Variants in UTRN observed in about 807,000 individuals in gnomAD.
The protein encoded by UTRN is utrophin.
A neutral mutation model predicts 463.9 loss-of-function variants in UTRN; 283 were observed. The ratio of observed to expected loss-of-function variants is 0.61; its 90% CI spans 0.55 to 0.67. The LOEUF (loss-of-function observed/expected upper bound fraction) is 0.67. UTRN is among the 30% of genes least tolerant of loss of function. The pLI, the probability that UTRN is intolerant of heterozygous loss-of-function variation, is 0.00. For synonymous variants in UTRN, 1,442 were observed against 1,431.5 expected (o/e 1.01, Z -0.17); for missense variants, 3,922 against 4,084.3 (o/e 0.96, Z 1.08).
intron 65 of UTRN, 30 bp downstream of exon 65, chr6:144,803,177 A>T: frequency 7.5e-7 from 1 of 1,338,638 alleles, no homozygotes; most frequent in Non-Finnish European, 9.9e-7. Flanking sequence ...TTTGTTTTTA[A>T]TACATTGCCA....
intron 50 of UTRN, among the ~76,000 whole-genome samples, chr6:144,562,327 A>G (rs73600170): frequency 0.21 from 31,721 of 152,048 alleles, 3,511 homozygotes; most frequent in South Asian, 0.31. Flanking sequence ...TCCAGCATTC[A>G]TTAGCTATAT....
chr6:144,574,422 T>C (rs1801236650), intron 50 of UTRN, among the ~76,000 whole-genome samples: 1 of 152,340 alleles, frequency 6.6e-6, no homozygotes, highest in South Asian at 2.1e-4. Flanking sequence ...CTTATATTTA[T>C]TGTGGAATAG....
chr6:144,532,944 C>CT (rs34459759), intron 42 of UTRN, 141 bp from the exon 43 acceptor site: 112 of 483,170 alleles, frequency 2.3e-4, no homozygotes, highest in African/African-American at 1.2e-3. Context: ...TTTAAAATGC[C>CT]TTTTTTTTCT....
chr6:144,534,902 A>G (rs1032438003), intron 43 of UTRN, among the ~76,000 whole-genome samples: 22 of 152,218 alleles, frequency 1.4e-4, no homozygotes, highest in Admixed American at 6.5e-5. Context: ...CAGAAGAAGT[A>G]AAACAGCAGA....
intron 3 of UTRN, among the ~76,000 whole-genome samples, chr6:144,406,647 G>T (rs544898348): frequency 1.3e-5 from 2 of 152,160 alleles, no homozygotes; most frequent in Non-Finnish European, 2.9e-5. Context: ...GATTACAGGC[G>T]TGAGCCACCA....
At chr6:144,430,866 C>A (rs1785762270) in intron 9 of UTRN, among the ~76,000 whole-genome samples, 1 of 151,696 alleles carries the variant, frequency 6.6e-6, no homozygotes, top group South Asian at 2.1e-4. Flanking sequence ...TTTAAATTTT[C>A]TTTGGGTAAT....
chr6:144,542,485 G>T (rs1798059942), intron 45 of UTRN, among the ~76,000 whole-genome samples: 1 of 152,190 alleles, frequency 6.6e-6, no homozygotes, highest in Non-Finnish European at 1.5e-5. Context: ...AGGAGAGCCA[G>T]CCAGAGAGGT....
chr6:144,755,635 T>C (rs1791907658), intron 57 of UTRN, among the ~76,000 whole-genome samples: 1 of 152,180 alleles, frequency 6.6e-6, no homozygotes, highest in South Asian at 2.1e-4. Flanking sequence ...ATGCTTTCAA[T>C]AAATATTAAT....
At chr6:144,760,266 A>G (rs556044862) in intron 58 of UTRN, among the ~76,000 whole-genome samples, 68 of 152,252 alleles carry the variant, frequency 4.5e-4, no homozygotes, top group African/African-American at 1.6e-3. Flanking sequence ...GTAGAATAAA[A>G]GTTAGTTTTA....
chr6:144,811,828 A>G (rs140561235), intron 65 of UTRN, among the ~76,000 whole-genome samples: 25 of 152,114 alleles, frequency 1.6e-4, no homozygotes, highest in Admixed American at 1.6e-3. Flanking sequence ...ACCAGTTGGG[A>G]CTACTGGTTT....
In UTRN at chr6:144,511,080, G is replaced by C. The variant is rs753777200; in HGVS notation, c.4901G>C (p.Ser1634Thr). Residue 1634 changes from serine (S) to threonine (T), a missense_variant, in exon 35 of 75, where the codon AGC becomes ACC. By Grantham distance (58) the Ser-to-Thr change is moderately conservative. Coordinates refer to ENST00000367545, the MANE Select transcript of UTRN (RefSeq NM_007124.3). ...ERLCVLNAGW[S>T]RVRTWTEDWC... ...CTCTGCGTCCTTAACGCTGGGTGGA[G>C]CCGAGTTCGTACCTGGACTGAAGAT... The C allele has an allele frequency of 1.2e-6, 2 of 1,609,838 alleles. No individual in the cohort carries two copies. The highest frequency in any genetic ancestry group is 1.7e-6 in the Non-Finnish European group (2 of 1,177,330).
intron 2 of UTRN, among the ~76,000 whole-genome samples, chr6:144,295,759 A>AT (rs1804623824): frequency 6.6e-6 from 1 of 152,192 alleles, no homozygotes. Flanking sequence ...AATTGAACAC[A>AT]TTCTGTGTGC....
chr6:144,318,886 C>A (rs762429830), intron 2 of UTRN, among the ~76,000 whole-genome samples: 8 of 152,106 alleles, frequency 5.3e-5, no homozygotes, highest in East Asian at 1.9e-4. Context: ...GCCTTAGCAA[C>A]ATGGTGAAAC....
At chr6:144,347,081 T>C (rs1334454099) in intron 2 of UTRN, among the ~76,000 whole-genome samples, 1 of 152,226 alleles carries the variant, frequency 6.6e-6, no homozygotes, top group Non-Finnish European at 1.5e-5. Context: ...AGATGACTCA[T>C]GTCTGGAAAT....
chr6:144,842,934 C>G (rs1272929792), intron 73 of UTRN, among the ~76,000 whole-genome samples: 1 of 152,000 alleles, frequency 6.6e-6, no homozygotes, highest in Non-Finnish European at 1.5e-5. Context: ...CAGATTGTTG[C>G]TTATTTTCTA....
chr6:144,658,487 A>G (rs1779546782), intron 51 of UTRN, among the ~76,000 whole-genome samples: 1 of 152,200 alleles, frequency 6.6e-6, no homozygotes, highest in African/African-American at 2.4e-5. Flanking sequence ...AACGGTATTG[A>G]TATTTAAGCA....
At chr6:144,701,941 C>G (rs1586104993) in intron 53 of UTRN, among the ~76,000 whole-genome samples, 8 of 151,942 alleles carry the variant, frequency 5.3e-5, no homozygotes, top group Admixed American at 5.2e-4. Flanking sequence ...GTATGATATG[C>G]AAGATAATAA....
At chr6:144,407,974 T>A (rs188320834) in intron 3 of UTRN, among the ~76,000 whole-genome samples, 1 of 152,360 alleles carries the variant, frequency 6.6e-6, no homozygotes, top group African/African-American at 2.4e-5. Flanking sequence ...CATTTATTTA[T>A]GACCTCAGGC....
rs756113966 is a variant in UTRN at position 144,789,185 on chromosome 6, T to C, written c.8835-9T>C. 3.7e-6 allele frequency: 6 copies of C among 1,609,928 alleles called. No individual in the cohort carries two copies. The highest frequency in any genetic ancestry group is 2.2e-5 in the East Asian group (1 of 44,726). On this transcript the variant is annotated splice_polypyrimidine_tract_variant and intron_variant, in intron 61 of 74. Transcript: ENST00000367545. The stretch of plus-strand genomic sequence containing the variant: ...TGCATCTAACACATTAACATTCTTA[T>C]AATTTTAGGGGTCGAACTGGAAAAA...
Sources: allele counts gnomAD v4.1 joint callset (sites outside exome capture counted in the v4.1 genomes callset), GRCh38; gene constraint gnomAD v4.1.1; transcripts MANE v1.5; gene names NCBI Gene and HGNC (gene_info 2026-07-23, HGNC 2026-07-21).